The following PSMB7 variants were observed in gnomAD, a reference collection of about 807,000 sequenced individuals.
PSMB7 encodes proteasome subunit beta type-7.
In PSMB7, 5 loss-of-function variants were observed where a neutral mutation model predicts 28.1. The ratio of observed to expected loss-of-function variants is 0.18; its 90% CI spans 0.09 to 0.37. PSMB7 has a LOEUF of 0.37. Among genes scored for constraint, PSMB7 ranks in the 10% least tolerant of loss-of-function variants. PSMB7 has a pLI of 1.00. For synonymous variants in PSMB7, 122 were observed against 123.7 expected (o/e 0.99, Z 0.09); for missense variants, 275 against 346.2 (o/e 0.79, Z 1.63).
At chr9:124,377,456 C>T (rs1830623263) in intron 6 of PSMB7, among the ~76,000 whole-genome samples, 1 of 152,204 alleles carries the variant, frequency 6.6e-6, no homozygotes, top group Non-Finnish European at 1.5e-5. Context: ...ACAAATGAAC[C>T]TGCAACTCAG....
intron 6 of PSMB7, among the ~76,000 whole-genome samples, chr9:124,361,969 A>G (rs976038780): frequency 1.3e-5 from 2 of 152,254 alleles, no homozygotes; most frequent in Admixed American, 6.5e-5. Context: ...GTGCCAGCCA[A>G]TGGGCACTCT....
chr9:124,402,807 A>T (rs1830925386), intron 5 of PSMB7, among the ~76,000 whole-genome samples: 1 of 152,266 alleles, frequency 6.6e-6, no homozygotes, highest in Admixed American at 6.5e-5. Flanking sequence ...TTTGATGGAG[A>T]TACCTAATAC....
chr9:124,402,851 T>C (rs1485280883), intron 5 of PSMB7, among the ~76,000 whole-genome samples: 1 of 152,224 alleles, frequency 6.6e-6, no homozygotes, highest in Non-Finnish European at 1.5e-5. Context: ...AATTCTAAAA[T>C]TACCATAAGT....
At chr9:124,397,168 C>T (rs1830851209) in intron 5 of PSMB7, among the ~76,000 whole-genome samples, 1 of 152,214 alleles carries the variant, frequency 6.6e-6, no homozygotes, top group Admixed American at 6.5e-5. Context: ...CTCTCTGAGC[C>T]TCAGTTTCCT....
chr9:124,388,979 C>G (rs1411691900), intron 5 of PSMB7, among the ~76,000 whole-genome samples: 3 of 152,170 alleles, frequency 2.0e-5, no homozygotes, highest in Admixed American at 6.5e-5. Context: ...AGGAGAGACG[C>G]TTATTGAATG....
intron 6 of PSMB7, among the ~76,000 whole-genome samples, chr9:124,363,122 G>T (rs1215538475): frequency 6.6e-6 from 1 of 152,188 alleles, no homozygotes; most frequent in African/African-American, 2.4e-5. Context: ...ATGAAAAAAC[G>T]AAACGTTCAC....
chr9:124,406,497 CAAAAAAAAAAAA>C (rs772524538), intron 4 of PSMB7, among the ~76,000 whole-genome samples: 2 of 50,470 alleles, frequency 4.0e-5, no homozygotes, highest in South Asian at 6.9e-4. Flanking sequence ...AGAGTTGTCT[CAAAAAAAAAAAA>C]AAAAAAAAAA....
chr9:124,412,390 A>T lies in PSMB7; in HGVS notation c.357T>A (p.Val119=). The change falls in exon 4 of 8, where the codon GTT becomes GTA. Residue 119 remains valine, a synonymous_variant. Coordinates refer to ENST00000259457, the MANE Select transcript of PSMB7 (RefSeq NM_002799.4). ...GCTTCAGCATCCGATTGGCTGTCAC[A>T]ACTCTGGGAAGACGGCCAGTGGAGA... ...HSLSTGRLPR[V]VTANRMLKQM... The T allele has an allele frequency of 1.2e-6, 2 of 1,614,168 alleles. No homozygotes were observed. The highest frequency in any genetic ancestry group is 1.7e-6 in the Non-Finnish European group (2 of 1,179,988).
intron 6 of PSMB7, among the ~76,000 whole-genome samples, chr9:124,364,858 G>C (rs1360307804): frequency 6.6e-6 from 1 of 152,184 alleles, no homozygotes; most frequent in African/African-American, 2.4e-5. Flanking sequence ...CAGGGTCTGA[G>C]ACCAGCAGAA....
At chr9:124,414,063 T>G in intron 2 of PSMB7, 58 bp from the exon 3 acceptor site, 1 of 1,125,586 alleles carries the variant, frequency 8.9e-7, no homozygotes, top group Non-Finnish European at 1.3e-6. Context: ...CGCAACTCTC[T>G]ATTCTACTTT....
chr9:124,373,108 G>A (rs554307433), intron 6 of PSMB7, among the ~76,000 whole-genome samples: 362 of 152,276 alleles, frequency 2.4e-3, no homozygotes, highest in Non-Finnish European at 3.7e-3. Context: ...AAAATATCTG[G>A]TGCTGGTGGG....
intron 2 of PSMB7, among the ~76,000 whole-genome samples, 171 bp from the exon 3 acceptor site, chr9:124,414,176 G>A (rs552005453): frequency 6.6e-6 from 1 of 152,270 alleles, no homozygotes; most frequent in South Asian, 2.1e-4. Context: ...TTTAAGAAAA[G>A]GTTTCTTAGT....
At chr9:124,380,902 G>A (rs1221637604) in intron 6 of PSMB7, among the ~76,000 whole-genome samples, 1 of 152,228 alleles carries the variant, frequency 6.6e-6, no homozygotes, top group Non-Finnish European at 1.5e-5. Context: ...GCAGTGATAG[G>A]CTGGCCCTGC....
At chr9:124,393,713 C>A (rs1830813631) in intron 5 of PSMB7, among the ~76,000 whole-genome samples, 1 of 152,290 alleles carries the variant, frequency 6.6e-6, no homozygotes, top group Middle Eastern at 3.4e-3. Context: ...ATCTCATTGA[C>A]CTGACAGGTT....
intron 6 of PSMB7, among the ~76,000 whole-genome samples, chr9:124,379,349 T>TG (rs1830641546): frequency 6.6e-6 from 1 of 152,120 alleles, no homozygotes; most frequent in Admixed American, 6.5e-5. Context: ...GAATACCTAC[T>TG]ATGCCCCAGT....
intron 4 of PSMB7, among the ~76,000 whole-genome samples, chr9:124,408,796 G>GT (rs1304266898): frequency 1.3e-5 from 2 of 152,150 alleles, no homozygotes; most frequent in African/African-American, 4.8e-5. Context: ...AATTTACAGT[G>GT]TATGTGTCTA....
intron 5 of PSMB7, among the ~76,000 whole-genome samples, chr9:124,393,290 A>T (rs1454434054): frequency 6.6e-6 from 1 of 152,236 alleles, no homozygotes; most frequent in Non-Finnish European, 1.5e-5. Context: ...GTCCTGGCCA[A>T]AAGCTTCCCG....
chr9:124,391,618 C>T lies in PSMB7; in HGVS notation c.512-6962G>A, dbSNP rs148821450. On this transcript the variant is annotated intron_variant, in intron 5 of 7. Transcript: ENST00000259457. ...AATGCCACTCAAGTATCTGTTATAACAGCATTTATTTTAAAATAGTCTCAT... is the reference window on the plus strand; with the variant it reads ...AATGCCACTCAAGTATCTGTTATAATAGCATTTATTTTAAAATAGTCTCAT... Among the ~76,000 whole-genome samples, 330 of 147,554 alleles carry T rather than the reference C, an allele frequency of 2.2e-3. 2 individuals are homozygous for T. The highest frequency in any genetic ancestry group is 7.8e-3 in the African/African-American group (309 of 39,718).
intron 5 of PSMB7, among the ~76,000 whole-genome samples, chr9:124,397,846 A>G (rs1367495350): frequency 6.6e-6 from 1 of 152,208 alleles, no homozygotes; most frequent in Admixed American, 6.5e-5. Context: ...TTTGGTTTGT[A>G]GCTCACTCAA....
Sources: gnomAD v4.1 joint callset for allele counts (sites outside exome capture counted in the v4.1 genomes callset) on GRCh38, gnomAD v4.1.1 for gene constraint, MANE v1.5 for transcripts, NCBI Gene and HGNC (gene_info 2026-07-23, HGNC 2026-07-21) for gene names.